Variants in SNTG1 observed in about 807,000 individuals in gnomAD.
SNTG1 encodes syntrophin gamma 1.
In SNTG1, 39 loss-of-function variants were observed where a neutral mutation model predicts 74.7. The observed-to-expected ratio is 0.52, with a 90% confidence interval of 0.40 to 0.68. SNTG1 has a LOEUF of 0.68. Ranked by LOEUF, SNTG1 falls within the 30% of genes least tolerant of loss-of-function variation. SNTG1 has a pLI of 0.00. For missense variants in SNTG1, 685 were observed against 609.5 expected (o/e 1.12, Z -1.30); for synonymous variants, 254 against 217.1 (o/e 1.17, Z -1.49).
At chr8:50,384,196 C>A (rs1160618425) in intron 2 of SNTG1, among the ~76,000 whole-genome samples, 3 of 152,116 alleles carry the variant, frequency 2.0e-5, no homozygotes, top group African/African-American at 7.2e-5. Flanking sequence ...GATGCCATAA[C>A]TGTTTTCAAA....
chr8:50,433,916 T>A (rs2093272031), intron 4 of SNTG1, among the ~76,000 whole-genome samples: 2 of 152,290 alleles, frequency 1.3e-5, no homozygotes, highest in East Asian at 3.9e-4. Flanking sequence ...ATACGTTAAG[T>A]TCTAGGGTAC....
rs1394555901 is a variant in SNTG1, at chr8:50,431,967, T to G, written c.163-6576T>G. Among the ~76,000 whole-genome samples the G allele has an allele frequency of 3.3e-5, 5 of 152,210 alleles. No homozygotes were observed. In the East Asian group the frequency reaches 9.6e-4, roughly 29 times the overall value. On this transcript the variant is annotated intron_variant, in intron 4 of 18. Coordinates refer to ENST00000642720, the MANE Select transcript of SNTG1 (RefSeq NM_018967.5). ...GTGATTTACAAATATTTTCCTCTAG[T>G]CCATAGCTTGTCTTTTTATTCTCTT...
At chr8:50,137,873 G>A (rs2081526670) in intron 1 of SNTG1, among the ~76,000 whole-genome samples, 1 of 152,088 alleles carries the variant, frequency 6.6e-6, no homozygotes, top group African/African-American at 2.4e-5. Flanking sequence ...GTGACCAATG[G>A]TGACTCCTCT....
chr8:49,995,947 A>G (rs1364427496), intron 1 of SNTG1, among the ~76,000 whole-genome samples: 2 of 152,194 alleles, frequency 1.3e-5, no homozygotes, highest in Non-Finnish European at 2.9e-5. Context: ...GGTATGTTTT[A>G]ATGAATCTAT....
chr8:50,223,843 T>C (rs1478323142), intron 2 of SNTG1, among the ~76,000 whole-genome samples: 2 of 152,028 alleles, frequency 1.3e-5, no homozygotes, highest in Non-Finnish European at 2.9e-5. Context: ...GTAGAACAGA[T>C]GCATTAGCTA....
intron 4 of SNTG1, among the ~76,000 whole-genome samples, chr8:50,402,665 C>T (rs2092822216): frequency 6.6e-6 from 1 of 152,096 alleles, no homozygotes. Flanking sequence ...ATGGTGATGG[C>T]TTTTGCTCTG....
At chr8:50,450,772 A>G in intron 8 of SNTG1, 43 bp downstream of exon 8, 5 of 1,595,166 alleles carry the variant, frequency 3.1e-6, no homozygotes, top group Non-Finnish European at 4.3e-6. Context: ...CCCCATGTGC[A>G]AATAAGAATT....
intron 1 of SNTG1, among the ~76,000 whole-genome samples, chr8:49,959,508 C>T (rs1413597336): frequency 1.3e-5 from 2 of 152,174 alleles, no homozygotes; most frequent in Non-Finnish European, 2.9e-5. Context: ...ATAGATTTGC[C>T]TATTTTGGAC....
At chr8:50,260,789 AG>A (rs2087152001) in intron 2 of SNTG1, among the ~76,000 whole-genome samples, 1 of 151,984 alleles carries the variant, frequency 6.6e-6, no homozygotes, top group South Asian at 2.1e-4. Flanking sequence ...AGAAATTAAA[AG>A]TATTGCAAAA....
intron 10 of SNTG1, among the ~76,000 whole-genome samples, chr8:50,532,407 G>A (rs1483727424): frequency 1.3e-5 from 2 of 152,104 alleles, no homozygotes. Context: ...CAGATCTATA[G>A]ACAAAAGCAT....
chr8:50,438,644 G>A, intron 5 of SNTG1, 45 bp downstream of exon 5: 2 of 1,509,560 alleles, frequency 1.3e-6, no homozygotes, highest in South Asian at 2.3e-5. Flanking sequence ...CATGCCATAA[G>A]AGCTGAACTT....
chr8:50,202,788 T>G (rs2084038036), intron 2 of SNTG1, among the ~76,000 whole-genome samples: 1 of 144,750 alleles, frequency 6.9e-6, no homozygotes, highest in East Asian at 1.9e-4. Flanking sequence ...GACTTTCTCT[T>G]TGTTTTGTTT....
At chr8:50,133,980 A>G (rs1404308609) in intron 1 of SNTG1, among the ~76,000 whole-genome samples, 1 of 152,244 alleles carries the variant, frequency 6.6e-6, no homozygotes, top group African/African-American at 2.4e-5. Context: ...TGGGATGCTT[A>G]GCAAGACAGC....
intron 11 of SNTG1, among the ~76,000 whole-genome samples, chr8:50,547,220 C>G (rs1563556232): frequency 6.6e-6 from 1 of 152,158 alleles, no homozygotes. Flanking sequence ...GAATTGATTG[C>G]ATTCCACTTC....
At chr8:50,587,320 TATCTTATCA>T (rs200847348) in intron 12 of SNTG1, among the ~76,000 whole-genome samples, 4,848 of 152,164 alleles carry the variant, frequency 0.032, 121 homozygotes, top group African/African-American at 0.058. Context: ...GTAAGCATCG[TATCTTATCA>T]ATCTTATCAA....
At chr8:50,294,577 G>A (rs2089276014) in intron 2 of SNTG1, among the ~76,000 whole-genome samples, 1 of 152,134 alleles carries the variant, frequency 6.6e-6, no homozygotes, top group African/African-American at 2.4e-5. Flanking sequence ...GAGGCAGGAG[G>A]AAAAGAAGGA....
chr8:50,420,485 A>AAAAGTATTTCAT (rs1234853056), intron 4 of SNTG1, among the ~76,000 whole-genome samples: 1 of 152,302 alleles, frequency 6.6e-6, no homozygotes, highest in East Asian at 1.9e-4. Flanking sequence ...GAAATATAAG[A>AAAAGTATTTCAT]AAAGTATTTC....
At chr8:50,359,893 C>T (rs1040468712) in intron 2 of SNTG1, among the ~76,000 whole-genome samples, 2 of 152,154 alleles carry the variant, frequency 1.3e-5, no homozygotes, top group East Asian at 1.9e-4. Flanking sequence ...CACTGTGATG[C>T]CTTTCTTTCT....
intron 8 of SNTG1, among the ~76,000 whole-genome samples, chr8:50,462,295 T>C (rs2093570262): frequency 6.6e-6 from 1 of 150,516 alleles, no homozygotes; most frequent in African/African-American, 2.4e-5. Context: ...TAGGATTATT[T>C]CTTAAAAATG....
Sources: allele counts gnomAD v4.1 joint callset (sites outside exome capture counted in the v4.1 genomes callset), GRCh38; gene constraint gnomAD v4.1.1; transcripts MANE v1.5; gene names NCBI Gene and HGNC (gene_info 2026-07-23, HGNC 2026-07-21).